DLG2: variants seen among roughly 807,000 people sequenced by gnomAD.
DLG2 encodes disks large homolog 2.
A neutral mutation model predicts 132.5 loss-of-function variants in DLG2; 45 were observed. The observed-to-expected ratio is 0.34, with a 90% CI of 0.27 to 0.44. The LOEUF (loss-of-function observed/expected upper bound fraction) is 0.44. Ranked by LOEUF, DLG2 falls within the 20% of genes least tolerant of loss-of-function variation. DLG2 has a pLI of 1.00. For synonymous variants in DLG2, 424 were observed against 419.6 expected (o/e 1.01, Z -0.13); for missense variants, 1,045 against 1,196.9 (o/e 0.87, Z 1.87).
intron 4 of DLG2, among the ~76,000 whole-genome samples, chr11:85,215,554 G>A (rs2082531602): frequency 6.6e-6 from 1 of 152,128 alleles, no homozygotes; most frequent in Non-Finnish European, 1.5e-5. Context: ...AGGGCAAGAT[G>A]ATTTTTAATT....
chr11:85,512,995 G>A (rs1184372024), intron 3 of DLG2, among the ~76,000 whole-genome samples: 1 of 152,046 alleles, frequency 6.6e-6, no homozygotes, highest in African/African-American at 2.4e-5. Context: ...TATACACCAT[G>A]GAATACTACA....
intron 3 of DLG2, among the ~76,000 whole-genome samples, chr11:85,488,639 C>A (rs192453960): frequency 4.2e-4 from 64 of 152,094 alleles, no homozygotes; most frequent in African/African-American, 1.5e-3. Context: ...AAAGGAAACC[C>A]CTTTAAATAA....
intron 3 of DLG2, among the ~76,000 whole-genome samples, chr11:85,494,072 C>A (rs557507855): frequency 6.6e-6 from 1 of 151,964 alleles, no homozygotes; most frequent in African/African-American, 2.4e-5. Flanking sequence ...CAATCTTGAC[C>A]CCTTATATAA....
intron 12 of DLG2, among the ~76,000 whole-genome samples, chr11:83,980,239 C>T (rs1225568790): frequency 1.3e-5 from 2 of 152,150 alleles, no homozygotes; most frequent in Non-Finnish European, 1.5e-5. Flanking sequence ...AGATCTCTCT[C>T]TGCATAAACA....
At chr11:83,833,973 C>T (rs575081121) in intron 16 of DLG2, among the ~76,000 whole-genome samples, 3 of 152,292 alleles carry the variant, frequency 2.0e-5, no homozygotes. Flanking sequence ...ACCAAAATAC[C>T]ATGCAAAAAA....
intron 3 of DLG2, among the ~76,000 whole-genome samples, chr11:85,296,757 A>G (rs1195760165): frequency 6.6e-6 from 1 of 150,866 alleles, no homozygotes; most frequent in Non-Finnish European, 1.5e-5. Context: ...GCTAATCTCA[A>G]AAAGAACATG....
At chr11:85,601,126 T>C (rs2080123933) in intron 2 of DLG2, among the ~76,000 whole-genome samples, 2 of 152,204 alleles carry the variant, frequency 1.3e-5, no homozygotes, top group Admixed American at 1.3e-4. Flanking sequence ...TAAGAATTGA[T>C]GACTGTTGAG....
intron 5 of DLG2, among the ~76,000 whole-genome samples, chr11:85,132,610 C>A (rs971119827): frequency 6.6e-6 from 1 of 151,948 alleles, no homozygotes; most frequent in African/African-American, 2.4e-5. Flanking sequence ...AAAGACAGGA[C>A]CCCCCAGACC....
chr11:84,695,966 A>G (rs1364847790), intron 6 of DLG2, among the ~76,000 whole-genome samples: 1 of 151,492 alleles, frequency 6.6e-6, no homozygotes, highest in Non-Finnish European at 1.5e-5. Flanking sequence ...AGAAAATCCT[A>G]CCAGTTTTCA....
At chr11:84,423,655 G>A (rs1485035017) in intron 7 of DLG2, among the ~76,000 whole-genome samples, 1 of 152,104 alleles carries the variant, frequency 6.6e-6, no homozygotes, top group African/African-American at 2.4e-5. Context: ...AGCATACTGT[G>A]AGGTAGCTCT....
chr11:84,969,540 T>A (rs1300025812), intron 6 of DLG2, among the ~76,000 whole-genome samples: 7 of 152,074 alleles, frequency 4.6e-5, no homozygotes, highest in Non-Finnish European at 7.4e-5. Context: ...ATGTGGGGAG[T>A]TCCGTTTATT....
intron 11 of DLG2, among the ~76,000 whole-genome samples, chr11:84,036,299 T>C (rs2095861341): frequency 6.6e-6 from 1 of 152,124 alleles, no homozygotes; most frequent in South Asian, 2.1e-4. Flanking sequence ...GGGAGCACAT[T>C]ATTGGAAAAC....
At chr11:83,547,846 G>A (rs1281985998) in intron 19 of DLG2, among the ~76,000 whole-genome samples, 3 of 152,150 alleles carry the variant, frequency 2.0e-5, no homozygotes, top group Non-Finnish European at 2.9e-5. Flanking sequence ...GAGGTGCTAT[G>A]TAACAAATAC....
At chr11:84,273,187 T>C (rs975227176) in intron 7 of DLG2, 1 of 1,570,262 alleles carries the variant, frequency 6.4e-7, no homozygotes, top group Admixed American at 1.9e-5. Context: ...GTTCACATTG[T>C]TTTAAGGAAG....
chr11:83,944,500 C>T (rs1387781019), intron 14 of DLG2, among the ~76,000 whole-genome samples: 1 of 152,094 alleles, frequency 6.6e-6, no homozygotes, highest in Non-Finnish European at 1.5e-5. Context: ...TGCTTTATTA[C>T]CGATCCTGAC....
intron 6 of DLG2, among the ~76,000 whole-genome samples, chr11:84,649,884 C>A (rs2099679449): frequency 6.6e-6 from 1 of 152,152 alleles, no homozygotes; most frequent in African/African-American, 2.4e-5. Flanking sequence ...CAAACTCAGA[C>A]CTGCTCTTAA....
chr11:84,227,914 A>AC (rs2097027915), intron 8 of DLG2, among the ~76,000 whole-genome samples: 1 of 96,948 alleles, frequency 1.0e-5, no homozygotes, highest in African/African-American at 4.1e-5. Context: ...ACTCCATCTC[A>AC]AAAAAAAAAA....
At chr11:85,039,857 A>T (rs1236329419) in intron 6 of DLG2, among the ~76,000 whole-genome samples, 3 of 151,800 alleles carry the variant, frequency 2.0e-5, no homozygotes, top group Non-Finnish European at 4.4e-5. Flanking sequence ...AGACTCTTTA[A>T]ATTTTGGTTG....
chr11:84,073,959 A>T (rs927165093), intron 10 of DLG2, among the ~76,000 whole-genome samples: 1 of 152,224 alleles, frequency 6.6e-6, no homozygotes, highest in Non-Finnish European at 1.5e-5. Flanking sequence ...GCAGCAGTTT[A>T]TGAGATGTAT....
Sources: gnomAD v4.1 joint callset for allele counts (sites outside exome capture counted in the v4.1 genomes callset) on GRCh38, gnomAD v4.1.1 for gene constraint, MANE v1.5 for transcripts, NCBI Gene and HGNC (gene_info 2026-07-23, HGNC 2026-07-21) for gene names.